Variants in ZNF804B observed in about 807,000 individuals in gnomAD.
ZNF804B encodes zinc finger protein 804B, also known as zinc finger 804B.
Under a neutral mutation model 101.4 loss-of-function variants are expected in ZNF804B, and 80 were observed. That is an observed-to-expected ratio of 0.79 (90% CI 0.66 to 0.95). The LOEUF (loss-of-function observed/expected upper bound fraction) is 0.95, where lower values mean the gene tolerates loss of function less well. ZNF804B is among the 40% of genes least tolerant of loss of function. The probability of loss-of-function intolerance (pLI) is 0.00; values close to 1 mark genes in which losing one functional copy is unlikely to be tolerated. For missense variants in ZNF804B, 1,673 were observed against 1,561.9 expected, an observed-to-expected ratio of 1.07 and a Z score of -1.20; for synonymous variants, 622 against 558.8, an observed-to-expected ratio of 1.11 and a Z score of -1.59.
intron 1 of ZNF804B, among the ~76,000 whole-genome samples, chr7:88,850,986 G>A (rs1791444094): frequency 6.6e-6 from 1 of 152,026 alleles, no homozygotes; most frequent in Admixed American, 6.6e-5. Context: ...AAGATAAAAA[G>A]TTTCAGTGTC....
At chr7:89,031,775 G>A (rs575186900) in intron 1 of ZNF804B, among the ~76,000 whole-genome samples, 2 of 151,420 alleles carry the variant, frequency 1.3e-5, no homozygotes, top group African/African-American at 4.8e-5. Flanking sequence ...TCTTAAAATA[G>A]TAGTATGACC....
intron 2 of ZNF804B, among the ~76,000 whole-genome samples, chr7:89,249,424 C>T (rs1315761506): frequency 6.6e-6 from 1 of 152,030 alleles, no homozygotes; most frequent in Non-Finnish European, 1.5e-5. Flanking sequence ...CAAAATCATA[C>T]CAAACATACT....
chr7:89,168,919 T>C (rs207468223), intron 1 of ZNF804B, among the ~76,000 whole-genome samples: 1 of 152,118 alleles, frequency 6.6e-6, no homozygotes, highest in South Asian at 2.1e-4. Flanking sequence ...AGGAAGCCTT[T>C]TGTTCTCTGA....
chr7:89,136,082 A>G (rs1277549726), intron 1 of ZNF804B, among the ~76,000 whole-genome samples: 1 of 152,102 alleles, frequency 6.6e-6, no homozygotes, highest in African/African-American at 2.4e-5. Context: ...AAAACTAACA[A>G]TATAGCTGTA....
chr7:89,029,400 G>A lies in ZNF804B; in HGVS notation c.109-188755G>A, dbSNP rs1788799581. On this transcript the variant is annotated intron_variant, in intron 1 of 3. Coordinates refer to ENST00000333190, the MANE Select transcript of ZNF804B (RefSeq NM_181646.5). ...ATTACAGGTGTGAGCCACTGTGCCT[G>A]GCCTAGAAAAGCTAATATTCACAGA... 2.6e-5 allele frequency among the ~76,000 whole-genome samples: 4 copies of A among 152,226 alleles called. No homozygotes were observed. The South Asian group carries it at 8.3e-4, about 32-fold the overall frequency.
intron 1 of ZNF804B, among the ~76,000 whole-genome samples, chr7:88,921,415 G>A (rs974219445): frequency 2.6e-5 from 4 of 152,050 alleles, no homozygotes; most frequent in African/African-American, 4.8e-5. Flanking sequence ...AGTAGAAGAG[G>A]TTCCTCTGAG....
At chr7:89,089,731 C>A (rs186391949) in intron 1 of ZNF804B, among the ~76,000 whole-genome samples, 1 of 152,072 alleles carries the variant, frequency 6.6e-6, no homozygotes, top group East Asian at 1.9e-4. Context: ...TAGTTTGATA[C>A]TTGCCTGAAA....
At chr7:88,952,399 A>C (rs1324117077) in intron 1 of ZNF804B, among the ~76,000 whole-genome samples, 1 of 151,832 alleles carries the variant, frequency 6.6e-6, no homozygotes, top group African/African-American at 2.4e-5. Flanking sequence ...CATGGGACCA[A>C]GGTGGATAAC....
chr7:88,900,362 A>G (rs1264917764), intron 1 of ZNF804B, among the ~76,000 whole-genome samples: 1 of 151,900 alleles, frequency 6.6e-6, no homozygotes, highest in Non-Finnish European at 1.5e-5. Flanking sequence ...TGGATATTGC[A>G]TTCCTATTAG....
At chr7:88,996,111 T>C (rs929160275) in intron 1 of ZNF804B, among the ~76,000 whole-genome samples, 3 of 152,056 alleles carry the variant, frequency 2.0e-5, no homozygotes, top group Admixed American at 6.6e-5. Flanking sequence ...TGGACTTCAG[T>C]AGATAATTTG....
chr7:88,818,666 A>T (rs750786385), intron 1 of ZNF804B, among the ~76,000 whole-genome samples: 1 of 152,218 alleles, frequency 6.6e-6, no homozygotes, highest in African/African-American at 2.4e-5. Context: ...AGCATAGGAT[A>T]TAGGAAAAAT....
intron 1 of ZNF804B, among the ~76,000 whole-genome samples, chr7:88,883,554 G>T (rs1416895521): frequency 6.6e-6 from 1 of 152,044 alleles, no homozygotes; most frequent in African/African-American, 2.4e-5. Flanking sequence ...GACCACTATG[G>T]TGGCATTGAA....
intron 1 of ZNF804B, among the ~76,000 whole-genome samples, chr7:88,814,256 G>C (rs1403346553): frequency 2.6e-5 from 4 of 152,006 alleles, no homozygotes; most frequent in Non-Finnish European, 5.9e-5. Context: ...CTTTAAAAAG[G>C]TGTACATCTG....
At chr7:89,194,222 C>T (rs1358231291) in intron 1 of ZNF804B, among the ~76,000 whole-genome samples, 4 of 152,058 alleles carry the variant, frequency 2.6e-5, no homozygotes, top group Admixed American at 1.3e-4. Context: ...AGCCCTTTGT[C>T]GGATAAGTAG....
At chr7:89,222,624 C>T (rs1454112775) in intron 2 of ZNF804B, among the ~76,000 whole-genome samples, 1 of 151,934 alleles carries the variant, frequency 6.6e-6, no homozygotes, top group Non-Finnish European at 1.5e-5. Flanking sequence ...ATGTCTTATG[C>T]TTTCCCACAT....
intron 1 of ZNF804B, among the ~76,000 whole-genome samples, chr7:89,181,748 A>G (rs1455063400): frequency 6.6e-6 from 1 of 152,156 alleles, no homozygotes; most frequent in East Asian, 1.9e-4. Context: ...TCACTAAAGG[A>G]TTCTATTTAG....
chr7:89,212,761 A>C (rs1326497294), intron 1 of ZNF804B, among the ~76,000 whole-genome samples: 1 of 152,138 alleles, frequency 6.6e-6, no homozygotes, highest in Non-Finnish European at 1.5e-5. Context: ...TTATAGGTGT[A>C]AATTTATCTA....
At chr7:88,922,373 G>A (rs1008774516) in intron 1 of ZNF804B, among the ~76,000 whole-genome samples, 3 of 151,838 alleles carry the variant, frequency 2.0e-5, no homozygotes, top group Non-Finnish European at 2.9e-5. Flanking sequence ...AATTTATTTT[G>A]TGGTCACCAG....
At chr7:88,978,838 C>CTTA (rs1478960267) in intron 1 of ZNF804B, among the ~76,000 whole-genome samples, 1 of 135,838 alleles carries the variant, frequency 7.4e-6, no homozygotes, top group Non-Finnish European at 1.6e-5. Context: ...TTCCTTCTTT[C>CTTA]CTTCTTTCCT....
Sources: allele counts gnomAD v4.1 joint callset (sites outside exome capture counted in the v4.1 genomes callset), GRCh38; gene constraint gnomAD v4.1.1; transcripts MANE v1.5; gene names NCBI Gene and HGNC (gene_info 2026-07-23, HGNC 2026-07-21).